PRKCA: variants seen among roughly 807,000 people sequenced by gnomAD.
The protein encoded by PRKCA is protein kinase C alpha type.
In PRKCA, 27 loss-of-function variants were observed where a neutral mutation model predicts 87.0. That is an observed-to-expected ratio of 0.31 (90% CI 0.23 to 0.43). The LOEUF (loss-of-function observed/expected upper bound fraction) is 0.43, where lower values mean the gene tolerates loss of function less well. PRKCA is among the 20% of genes least tolerant of loss of function. The pLI is 1.00. For synonymous variants in PRKCA, 329 were observed against 311.1 expected, an observed-to-expected ratio of 1.06 and a Z score of -0.61; for missense variants, 518 against 852.3, an observed-to-expected ratio of 0.61 and a Z score of 4.88.
chr17:66,546,436 G>A (rs1034431961), intron 3 of PRKCA, among the ~76,000 whole-genome samples: 2 of 152,188 alleles, frequency 1.3e-5, no homozygotes, highest in Non-Finnish European at 2.9e-5. Context: ...CCTTGGCAGG[G>A]TCATGCTTCC....
intron 2 of PRKCA, among the ~76,000 whole-genome samples, chr17:66,453,063 C>T (rs1914404306): frequency 6.6e-6 from 1 of 152,154 alleles, no homozygotes; most frequent in African/African-American, 2.4e-5. Context: ...GAATATTTTT[C>T]CCCACAGTGG....
chr17:66,612,728 GT>G (rs760834125), intron 3 of PRKCA, among the ~76,000 whole-genome samples: 435 of 142,514 alleles, frequency 3.1e-3, no homozygotes, highest in South Asian at 4.3e-3. Context: ...TCTGTTGGAG[GT>G]TTTTTTTTTT....
chr17:66,592,376 A>G (rs952430819), intron 3 of PRKCA, among the ~76,000 whole-genome samples: 6 of 148,414 alleles, frequency 4.0e-5, no homozygotes, highest in Non-Finnish European at 8.9e-5. Flanking sequence ...CCATTGGCCA[A>G]ATCACCATTT....
chr17:66,575,076 C>T (rs915631246), intron 3 of PRKCA, among the ~76,000 whole-genome samples: 2 of 152,130 alleles, frequency 1.3e-5, no homozygotes, highest in African/African-American at 2.4e-5. Context: ...TACTTTAGGG[C>T]CATTATGAAG....
intron 3 of PRKCA, among the ~76,000 whole-genome samples, chr17:66,502,847 G>A (rs1468333216): frequency 6.6e-6 from 1 of 151,676 alleles, no homozygotes; most frequent in Non-Finnish European, 1.5e-5. Flanking sequence ...TTTTAGTAGA[G>A]ACAGGGTTTC....
chr17:66,556,314 TTTC>T (rs913827887), intron 3 of PRKCA, among the ~76,000 whole-genome samples: 7 of 130,902 alleles, frequency 5.3e-5, no homozygotes, highest in Non-Finnish European at 9.4e-5. Flanking sequence ...TAATCTTTTC[TTTC>T]TTCTTCTTTT....
At chr17:66,684,860 CT>C (rs1472024178) in intron 5 of PRKCA, among the ~76,000 whole-genome samples, 1 of 152,140 alleles carries the variant, frequency 6.6e-6, no homozygotes, top group Non-Finnish European at 1.5e-5. Context: ...CATTTTCTGC[CT>C]TTTAAAAAGC....
intron 5 of PRKCA, chr17:66,676,625 G>A (rs16959960): frequency 0.011 from 1,737 of 152,426 alleles, 31 homozygotes; most frequent in African/African-American, 0.039. Flanking sequence ...GTGTGGGACC[G>A]GCCGGGGAAG....
At chr17:66,708,597 T>G (rs1490094147) in intron 8 of PRKCA, among the ~76,000 whole-genome samples, 1 of 152,146 alleles carries the variant, frequency 6.6e-6, no homozygotes, top group East Asian at 1.9e-4. Flanking sequence ...ATGTTTTTTG[T>G]CTCCCTGTAG....
At chr17:66,303,261 G>A (rs1472897270) in intron 1 of PRKCA, among the ~76,000 whole-genome samples, 1 of 151,940 alleles carries the variant, frequency 6.6e-6, no homozygotes, top group Non-Finnish European at 1.5e-5. Flanking sequence ...GGCTGGCCCC[G>A]TACGGTGGCG....
intron 5 of PRKCA, among the ~76,000 whole-genome samples, chr17:66,671,170 C>T (rs1291747825): frequency 4.0e-5 from 5 of 124,810 alleles, no homozygotes; most frequent in Non-Finnish European, 6.3e-5. Flanking sequence ...GAGATTGCAC[C>T]ATTGCACACC....
chr17:66,622,679 A>G (rs1255824864), intron 3 of PRKCA, among the ~76,000 whole-genome samples: 2 of 152,198 alleles, frequency 1.3e-5, no homozygotes, highest in Non-Finnish European at 2.9e-5. Context: ...CTGGGAAGAA[A>G]AGTAGGTCTA....
chr17:66,584,846 C>T (rs1018035846), intron 3 of PRKCA, among the ~76,000 whole-genome samples: 7 of 152,146 alleles, frequency 4.6e-5, no homozygotes, highest in Non-Finnish European at 1.0e-4. Flanking sequence ...TTTAATTACA[C>T]CTGCAAAAAC....
At chr17:66,643,576 T>G (rs184549537) in intron 4 of PRKCA, among the ~76,000 whole-genome samples, 5 of 152,252 alleles carry the variant, frequency 3.3e-5, no homozygotes, top group African/African-American at 9.6e-5. Flanking sequence ...CAAAATGGTT[T>G]CCTTACTAAA....
chr17:66,471,935 A>C (rs893807699), intron 2 of PRKCA, among the ~76,000 whole-genome samples: 2 of 152,174 alleles, frequency 1.3e-5, no homozygotes, highest in Admixed American at 6.5e-5. Flanking sequence ...AAGATTCAAA[A>C]TTTGACCAAT....
chr17:66,379,789 A>T (rs1034922202), intron 2 of PRKCA, among the ~76,000 whole-genome samples: 5 of 152,172 alleles, frequency 3.3e-5, no homozygotes, highest in African/African-American at 4.8e-5. Flanking sequence ...CCAAGAAACC[A>T]TTGCCAAATC....
intron 3 of PRKCA, among the ~76,000 whole-genome samples, chr17:66,511,723 C>T (rs1391110140): frequency 6.6e-6 from 1 of 151,568 alleles, no homozygotes; most frequent in Admixed American, 6.6e-5. Context: ...CTCTGTCACC[C>T]AGGCTGGAGT....
intron 3 of PRKCA, among the ~76,000 whole-genome samples, chr17:66,543,455 T>TAATGA (rs1175078907): frequency 6.6e-6 from 1 of 152,202 alleles, no homozygotes; most frequent in Non-Finnish European, 1.5e-5. Context: ...TATTTGAGAC[T>TAATGA]AATGAAATGA....
At chr17:66,389,591 T>G (rs1018728533) in intron 2 of PRKCA, among the ~76,000 whole-genome samples, 1 of 152,224 alleles carries the variant, frequency 6.6e-6, no homozygotes, top group Non-Finnish European at 1.5e-5. Flanking sequence ...GTCATCATCA[T>G]TGCTGCCATC....
Sources: allele counts gnomAD v4.1 joint callset (sites outside exome capture counted in the v4.1 genomes callset), GRCh38; gene constraint gnomAD v4.1.1; transcripts MANE v1.5; gene names NCBI Gene and HGNC (gene_info 2026-07-23, HGNC 2026-07-21).